The following SYNE2 variants were observed in gnomAD, a reference collection of about 807,000 sequenced individuals.
SYNE2 encodes the protein nesprin-2.
Under a neutral mutation model 856.3 loss-of-function variants are expected in SYNE2, and 431 were observed. The ratio of observed to expected loss-of-function variants is 0.50; its 90% CI spans 0.47 to 0.55. The LOEUF (loss-of-function observed/expected upper bound fraction) is 0.55. Among genes scored for constraint, SYNE2 ranks in the 20% least tolerant of loss-of-function variants. The probability of loss-of-function intolerance (pLI) is 0.00; values close to 1 mark genes in which losing one functional copy is unlikely to be tolerated. For missense variants in SYNE2, 8,129 were observed against 8,023.2 expected, an observed-to-expected ratio of 1.01 and a Z score of -0.50; for synonymous variants, 2,923 against 2,872.3, an observed-to-expected ratio of 1.02 and a Z score of -0.56.
intron 1 of SYNE2, among the ~76,000 whole-genome samples, chr14:63,871,506 C>T (rs1417150221): frequency 6.6e-6 from 1 of 151,526 alleles, no homozygotes; most frequent in East Asian, 1.9e-4. Context: ...CCGTGCCTGG[C>T]GAGATTTGAA....
At chr14:64,088,147 C>T (rs1012070007) in intron 58 of SYNE2, among the ~76,000 whole-genome samples, 1 of 152,194 alleles carries the variant, frequency 6.6e-6, no homozygotes, top group Non-Finnish European at 1.5e-5. Context: ...TGCGCCACTG[C>T]ACTCCAGCCT....
rs151330405 is a variant in SYNE2 at position 64,095,760 on chromosome 14, A to G, written c.12109-2189A>G. On this transcript the variant is annotated intron_variant, in intron 61 of 115. Transcript: ENST00000555002. ...TTTTCACAAAGAATACTAAAAATACATACTGCTGTGGTTTGAATGTTTTTT... is the reference window on the plus strand; with the variant it reads ...TTTTCACAAAGAATACTAAAAATACGTACTGCTGTGGTTTGAATGTTTTTT... Among the ~76,000 whole-genome samples, 13 of 152,298 alleles carry G rather than the reference A, an allele frequency of 8.5e-5. No homozygotes were observed. The East Asian group carries it at 9.6e-4, about 11-fold the overall frequency.
At chr14:63,825,177 T>C (rs1889376296) in intron 1 of SYNE2, among the ~76,000 whole-genome samples, 1 of 152,074 alleles carries the variant, frequency 6.6e-6, no homozygotes, top group African/African-American at 2.4e-5. Flanking sequence ...TAACATACTG[T>C]ATGATGAAAA....
intron 10 of SYNE2, among the ~76,000 whole-genome samples, chr14:63,965,630 C>G (rs899372834): frequency 2.6e-5 from 4 of 152,206 alleles, no homozygotes; most frequent in African/African-American, 9.6e-5. Flanking sequence ...TCAGGTACCC[C>G]ACACAGCACT....
rs2096803176 is a variant in SYNE2, at chr14:64,007,225, A to G, written c.4577+3A>G. 5 of 1,613,404 alleles carry G rather than the reference A, an allele frequency of 3.1e-6. No individual in the cohort carries two copies. The highest frequency in any genetic ancestry group is 4.2e-6 in the Non-Finnish European group (5 of 1,179,446). ...ACCAAAGCCTTGGTCACCGAATGGT[A>G]AGGAAAAAAAAGAATCCCTCTTGAA... is the stretch of plus-strand genomic sequence containing the variant. On this transcript the variant is annotated splice_donor_region_variant and intron_variant, in intron 31 of 115. Transcript: ENST00000555002.
At chr14:64,076,647 A>G (rs1057205418) in intron 54 of SYNE2, among the ~76,000 whole-genome samples, 10 of 152,096 alleles carry the variant, frequency 6.6e-5, no homozygotes, top group Admixed American at 5.2e-4. Context: ...TACTAGAAAC[A>G]TAGGAGCTTA....
intron 11 of SYNE2, 59 bp from the exon 12 acceptor site, chr14:63,976,504 G>C: frequency 6.5e-7 from 1 of 1,549,650 alleles, no homozygotes; most frequent in Admixed American, 1.8e-5. Context: ...TGTATGTGAA[G>C]AAATAAACTA....
intron 2 of SYNE2, among the ~76,000 whole-genome samples, chr14:63,929,766 T>C (rs1314769845): frequency 7.0e-6 from 1 of 142,156 alleles, no homozygotes; most frequent in Non-Finnish European, 1.5e-5. Flanking sequence ...AGTGAAACTG[T>C]CTCAAAAAAA....
intron 1 of SYNE2, among the ~76,000 whole-genome samples, chr14:63,834,110 C>T (rs117152834): frequency 0.019 from 2,900 of 152,262 alleles, 40 homozygotes; most frequent in Admixed American, 0.032. Flanking sequence ...TTCCAAAATA[C>T]ATATAGCAAA....
intron 20 of SYNE2, 102 bp downstream of exon 20, chr14:63,990,671 T>A: frequency 9.6e-7 from 1 of 1,045,410 alleles, no homozygotes; most frequent in Admixed American, 2.0e-5. Flanking sequence ...CTTGGAAATG[T>A]TTTGTAAAAT....
chr14:63,959,608 G>A (rs762618247), intron 8 of SYNE2, among the ~76,000 whole-genome samples: 40 of 152,170 alleles, frequency 2.6e-4, no homozygotes, highest in Non-Finnish European at 4.0e-4. Context: ...GCCTACAGCC[G>A]TATTTCTACA....
chr14:63,786,333 A>G (rs1217857118), intron 1 of SYNE2, among the ~76,000 whole-genome samples: 1 of 152,056 alleles, frequency 6.6e-6, no homozygotes, highest in Non-Finnish European at 1.5e-5. Flanking sequence ...ACTTGAGCCC[A>G]AGAGGTCTAG....
At chr14:64,149,005 T>C (rs1393199590) in intron 84 of SYNE2, among the ~76,000 whole-genome samples, 1 of 151,668 alleles carries the variant, frequency 6.6e-6, no homozygotes, top group Non-Finnish European at 1.5e-5. Flanking sequence ...CACTATTCTT[T>C]GCATACAAGA....
chr14:64,092,386 A>C (rs1405668241), intron 60 of SYNE2, among the ~76,000 whole-genome samples: 1 of 152,148 alleles, frequency 6.6e-6, no homozygotes, highest in Admixed American at 6.5e-5. Context: ...AATATGGTAC[A>C]TTTCCTTTGA....
chr14:64,055,191 T>C (rs1361700410), intron 48 of SYNE2, among the ~76,000 whole-genome samples: 1 of 152,210 alleles, frequency 6.6e-6, no homozygotes, highest in African/African-American at 2.4e-5. Context: ...GATTTTGTTT[T>C]CTTTTCATTT....
At position 64,024,424 on chromosome 14, in the gene SYNE2, A is replaced by G. The variant is rs2096961512; in HGVS notation, c.5805A>G (p.Ala1935=). 6.2e-7 allele frequency: 1 copy of G among 1,614,146 alleles called. No individual in the cohort carries two copies. Among genetic ancestry groups the G allele is most frequent in the Non-Finnish European group, 8.5e-7 (1 of 1,179,982 alleles). The change falls in exon 39 of 116, where the codon GCA becomes GCG. Residue 1935 remains alanine (A), a synonymous_variant. Coordinates refer to ENST00000555002, the MANE Select transcript of SYNE2 (RefSeq NM_182914.3). The part of the protein sequence containing the change: ...EKMESICQAR[A]KELEDSLQQL... Reference sequence around the variant, plus strand: ...TGGAGTCCATATGCCAGGCTCGAGCAAAGGAGCTTGAAGACTCCTTGCAGC... The same window carrying G: ...TGGAGTCCATATGCCAGGCTCGAGCGAAGGAGCTTGAAGACTCCTTGCAGC...
chr14:64,191,167 TTTATTATTTAAA>T lies in SYNE2; in HGVS notation c.18038+945_18038+956del, dbSNP rs750073805. On this transcript the variant is annotated intron_variant, in intron 99 of 115. Coordinates refer to ENST00000555002, the MANE Select transcript of SYNE2 (RefSeq NM_182914.3). The stretch of plus-strand genomic sequence containing the variant: ...ATTTAAATTTATTATTTAAATTAAA[TTTATTATTTAAA>T]TTATTATTTAAATTTAATAATTTAA... 272 of 363,006 alleles carry T rather than the reference TTTATTATTTAAA, an allele frequency of 7.5e-4. 2 individuals carry two copies. The highest frequency in any genetic ancestry group is 1.5e-3 in the Middle Eastern group (2 of 1,358). The allele number at this position is 363,006 out of a possible 1,614,324, so 22.5% of individuals were successfully genotyped here. A position where few individuals can be genotyped will look rare whatever the true frequency, so the allele number is the denominator to read the frequency against.
Position 64,120,979 on chromosome 14 carries a change from A to C in SYNE2, c.13076A>C (p.Gln4359Pro). 2 of 1,614,192 alleles carry C rather than the reference A, an allele frequency of 1.2e-6. No homozygotes were observed. Among genetic ancestry groups the C allele is most frequent in the Non-Finnish European group, 1.7e-6 (2 of 1,180,014 alleles). The stretch of plus-strand genomic sequence containing the variant: ...GAGCCAGAGCATCAAGAAGCTCTCC[A>C]ACCAGTTAACCTTTCTGAATTGGAA... Reference protein sequence around the residue: ...SSEPEHQEALQPVNLSELESI... With the variant: ...SSEPEHQEALPPVNLSELESI... The change falls in exon 68 of 116, where the codon CAA becomes CCA. Residue 4359 changes from glutamine to proline, a missense_variant. Gln to Pro is a moderately conservative substitution (Grantham distance 76, BLOSUM62 -1). Transcript: ENST00000555002.
chr14:64,113,598 G>A (rs1447656999), intron 66 of SYNE2, 27 bp downstream of exon 66: 1 of 1,575,646 alleles, frequency 6.3e-7, no homozygotes, highest in East Asian at 2.4e-5. Flanking sequence ...AGAGTTCATG[G>A]TTTGCCTCTC....
Sources: allele counts gnomAD v4.1 joint callset (sites outside exome capture counted in the v4.1 genomes callset), GRCh38; gene constraint gnomAD v4.1.1; transcripts MANE v1.5; gene names NCBI Gene and HGNC (gene_info 2026-07-23, HGNC 2026-07-21).